PXK: variants seen among roughly 807,000 people sequenced by gnomAD.
The protein encoded by PXK is PX domain containing serine/threonine kinase like.
Under a neutral mutation model 84.7 loss-of-function variants are expected in PXK, and 35 were observed. The observed-to-expected ratio is 0.41, with a 90% CI of 0.32 to 0.55. PXK has a LOEUF of 0.55. Among genes scored for constraint, PXK ranks in the 20% least tolerant of loss-of-function variants. The pLI is 0.21. For missense variants in PXK, 634 were observed against 699.7 expected, an observed-to-expected ratio of 0.91 and a Z score of 1.06; for synonymous variants, 253 against 260.8, an observed-to-expected ratio of 0.97 and a Z score of 0.29.
intron 1 of PXK, among the ~76,000 whole-genome samples, chr3:58,335,224 A>AGTTCTT (rs1417064246): frequency 2.0e-5 from 3 of 152,160 alleles, no homozygotes; most frequent in African/African-American, 7.2e-5. Flanking sequence ...AGAAAATGGC[A>AGTTCTT]GTTCTTGTAG....
At position 58,399,767 on chromosome 3, in the gene PXK, C is replaced by G. The variant is rs913553959; in HGVS notation, c.1181+390C>G. Among the ~76,000 whole-genome samples, 4 of 152,074 alleles carry G rather than the reference C, an allele frequency of 2.6e-5. No individual in the cohort carries two copies. The highest frequency in any genetic ancestry group is 4.8e-5 in the African/African-American group (2 of 41,414). On this transcript the variant is annotated intron_variant, in intron 12 of 17. Coordinates refer to ENST00000356151, the MANE Select transcript of PXK (RefSeq NM_017771.5). The surrounding 1 kb of genome is among the most constrained non-coding windows in gnomAD (Gnocchi z 4.3). ...AGTTGGCCCCCAGCTGTGCATAGTT[C>G]ACAAGTCACAGGGCCTTGAAGGGTC...
At chr3:58,408,832 T>C in intron 13 of PXK, 92 bp from the exon 14 acceptor site, 1 of 1,028,518 alleles carries the variant, frequency 9.7e-7, no homozygotes, top group South Asian at 1.3e-5. Flanking sequence ...GAAATGACTC[T>C]TGATAACCAC....
At chr3:58,369,171 T>G (rs1269078904) in intron 2 of PXK, among the ~76,000 whole-genome samples, 1 of 152,202 alleles carries the variant, frequency 6.6e-6, no homozygotes, top group Non-Finnish European at 1.5e-5. Context: ...AAACAAATAT[T>G]CTCACTTATC....
rs2060988182 is a variant in PXK, at chr3:58,416,532, G to T, written c.1528+3569G>T. Among the ~76,000 whole-genome samples, 1 of 152,166 alleles carries T rather than the reference G, an allele frequency of 6.6e-6. No individual in the cohort carries two copies. The highest frequency in any genetic ancestry group is 2.4e-5 in the African/African-American group (1 of 41,432). On this transcript the variant is annotated intron_variant, in intron 17 of 17. Transcript: ENST00000356151. The surrounding 1 kb of genome is among the most constrained non-coding windows in gnomAD (Gnocchi z 4.8). ...TCTAGGGTATGGGGCGTGTGTAGGA[G>T]ATGCTTGGCAAATCTTTGATTTACA... is the stretch of plus-strand genomic sequence containing the variant.
rs1426016481 is a variant in PXK at position 58,411,788 on chromosome 3, A to G, written c.1466-1113A>G. Reference sequence around the variant, plus strand: ...GAGTCAAGCAGTGAAGCTTCTCCCCATTAAAGTTCATTAGCACTACGAACA... The same window carrying G: ...GAGTCAAGCAGTGAAGCTTCTCCCCGTTAAAGTTCATTAGCACTACGAACA... On this transcript the variant is annotated intron_variant, in intron 16 of 17. Coordinates refer to ENST00000356151, the MANE Select transcript of PXK (RefSeq NM_017771.5). The surrounding 1 kb of genome is among the most constrained non-coding windows in gnomAD (Gnocchi z 4.2). Among the ~76,000 whole-genome samples the G allele has an allele frequency of 3.3e-5, 5 of 152,186 alleles. No individual in the cohort carries two copies. Among genetic ancestry groups the G allele is most frequent in the African/African-American group, 9.7e-5 (4 of 41,434 alleles).
chr3:58,380,971 A>AGGCGC (rs2098494082), intron 3 of PXK, among the ~76,000 whole-genome samples: 1 of 151,570 alleles, frequency 6.6e-6, no homozygotes, highest in African/African-American at 2.4e-5. Flanking sequence ...ACAGAGGGCC[A>AGGCGC]GGCGCGGTGG....
At chr3:58,423,240 C>G in intron 17 of PXK, 1 of 978,584 alleles carries the variant, frequency 1.0e-6, no homozygotes, top group Non-Finnish European at 1.2e-6. Context: ...GGTTTAAAGT[C>G]CTTTTTATCT....
At chr3:58,389,024 A>G (rs1014071671) in intron 4 of PXK, among the ~76,000 whole-genome samples, 7 of 152,160 alleles carry the variant, frequency 4.6e-5, no homozygotes, top group Admixed American at 2.6e-4. Flanking sequence ...ATGGCAAATT[A>G]CAGATGTTGC....
Position 58,424,827 on chromosome 3 carries a change from C to G in PXK, c.1604C>G (p.Ala535Gly), listed in dbSNP as rs34579268. Reference protein sequence around the residue: ...AAPLPPASTEAPAQLSSQAVN... With the variant: ...AAPLPPASTEGPAQLSSQAVN... ...CCCTTGCCTCCTGCGAGCACCGAGG[C>G]ACCTGCCCAGCTCTCGTCTCAGGCT... Residue 535 changes from alanine (A) to glycine (G), a missense_variant, in exon 18 of 18, where the codon GCA (alanine) becomes GGA (glycine). Coordinates refer to ENST00000356151, the MANE Select transcript of PXK (RefSeq NM_017771.5). 6.2e-7 allele frequency: 1 copy of G among 1,613,828 alleles called. No individual in the cohort carries two copies. Among genetic ancestry groups the G allele is most frequent in the Non-Finnish European group, 8.5e-7 (1 of 1,179,922 alleles).
At chr3:58,373,994 G>A (rs1430725229) in intron 3 of PXK, among the ~76,000 whole-genome samples, 5 of 146,814 alleles carry the variant, frequency 3.4e-5, no homozygotes, top group South Asian at 4.3e-4. Flanking sequence ...GCAGTGAGCC[G>A]AGATCGCACA....
At chr3:58,402,755 CTTTTTTT>C (rs34514925) in intron 12 of PXK, among the ~76,000 whole-genome samples, 2 of 130,408 alleles carry the variant, frequency 1.5e-5, no homozygotes. Context: ...TAATAATATA[CTTTTTTT>C]TTTTTTTTTT....
chr3:58,358,036 T>C (rs1299984734), intron 1 of PXK, among the ~76,000 whole-genome samples: 1 of 152,206 alleles, frequency 6.6e-6, no homozygotes, highest in African/African-American at 2.4e-5. Context: ...ATGATATTTG[T>C]GGTCTGTTGT....
chr3:58,343,831 C>G (rs1361694957), intron 1 of PXK, among the ~76,000 whole-genome samples: 2 of 152,190 alleles, frequency 1.3e-5, no homozygotes, highest in African/African-American at 4.8e-5. Context: ...CTCTTATGTA[C>G]TGCTGCTGAC....
At position 58,386,290 on chromosome 3, in the gene PXK, C is replaced by CTTTTTTTTTTTTTTTTT. The variant is rs752411806; in HGVS notation, c.388+3597_388+3613dup. ...CTATCTCACACATATATCCCCCTTA[C>CTTTTTTTTTTTTTTTTT]TTTTTTTTTTTTTTTTTTTTTTTGA... On this transcript the variant is annotated intron_variant, in intron 4 of 17. Transcript: ENST00000356151. Among the ~76,000 whole-genome samples, 424 of 82,258 alleles carry CTTTTTTTTTTTTTTTTT rather than the reference C, an allele frequency of 5.2e-3. 42 individuals carry two copies. The highest frequency in any genetic ancestry group is 7.1e-3 in the Non-Finnish European group (331 of 46,548). 54.0% of individuals were successfully genotyped at this position (82,258 alleles called of 152,430 possible).
rs2062715511 is a variant in PXK, at chr3:58,425,615, TTTAG to T, written c.*660_*663del. 1.3e-5 allele frequency: 2 copies of T among 152,228 alleles called. No individual in the cohort carries two copies. Among genetic ancestry groups the T allele is most frequent in the African/African-American group, 4.8e-5 (2 of 41,460 alleles). The allele number at this position is 152,228 out of a possible 1,614,324, so 9.4% of individuals were successfully genotyped here. On this transcript the variant is annotated 3_prime_UTR_variant, in exon 18 of 18. Coordinates refer to ENST00000356151, the MANE Select transcript of PXK (RefSeq NM_017771.5). ...CAACTACTCTAGACCCATAGTTCTT[TTTAG>T]TTAGATGTATTGAAACAGACAAAAA... is the stretch of plus-strand genomic sequence containing the variant.
rs1316385609 is a variant in PXK, at chr3:58,400,281, T to C, written c.1181+904T>C. On this transcript the variant is annotated intron_variant, in intron 12 of 17. Coordinates refer to ENST00000356151, the MANE Select transcript of PXK (RefSeq NM_017771.5). The surrounding 1 kb of genome is among the most constrained non-coding windows in gnomAD (Gnocchi z 4.0). ...TAGTTATGCTTACTACTGAATCAGC[T>C]GATCTTTTTTGAATATCACACACCA... Among the ~76,000 whole-genome samples, 1 of 152,262 alleles carries C rather than the reference T, an allele frequency of 6.6e-6. No homozygotes were observed. Among genetic ancestry groups the C allele is most frequent in the Non-Finnish European group, 1.5e-5 (1 of 68,042 alleles).
rs1179473552 is a variant in PXK at position 58,398,166 on chromosome 3, C to T, written c.1102+444C>T. On this transcript the variant is annotated intron_variant, in intron 11 of 17. Coordinates refer to ENST00000356151, the MANE Select transcript of PXK (RefSeq NM_017771.5). The surrounding 1 kb of genome is among the most constrained non-coding windows in gnomAD (Gnocchi z 4.5). The stretch of plus-strand genomic sequence containing the variant: ...CTGTAATCCCAGCACTTTGGAAGGC[C>T]GAGGTGGGTGGATCACATGAGGTCA... Among the ~76,000 whole-genome samples, 1 of 152,100 alleles carries T rather than the reference C, an allele frequency of 6.6e-6. No individual in the cohort carries two copies. The highest frequency in any genetic ancestry group is 1.5e-5 in the Non-Finnish European group (1 of 68,020).
Position 58,424,930 on chromosome 3 carries a change from C to T in PXK, c.1707C>T (p.Thr569=). The T allele has an allele frequency of 1.2e-6, 2 of 1,614,184 alleles. No homozygotes were observed. Among genetic ancestry groups the T allele is most frequent in the South Asian group, 2.2e-5 (2 of 91,086 alleles). Residue 569 remains threonine (T), a synonymous_variant, in exon 18 of 18, where the codon ACC becomes ACT. Coordinates refer to ENST00000356151, the MANE Select transcript of PXK (RefSeq NM_017771.5). ...FQKGTLRKAK[T]CDHSAPKIG is the part of the protein sequence containing the mutation. ...AAGGAACTTTGAGGAAAGCCAAAAC[C>T]TGTGATCACAGTGCTCCGAAGATCG...
In PXK at chr3:58,425,981, T is replaced by TGTTA. The variant is rs2062759718; in HGVS notation, c.*1022_*1025dup. 6.6e-6 allele frequency: 1 copy of TGTTA among 152,208 alleles called. No individual in the cohort carries two copies. The highest frequency in any genetic ancestry group is 2.4e-5 in the African/African-American group (1 of 41,460). The allele number at this position is 152,208 out of a possible 1,614,324, so 9.4% of individuals were successfully genotyped here. A position where few individuals can be genotyped will look rare whatever the true frequency, so the allele number is the denominator to read the frequency against. ...TCATTGTGTATAGTTTCATGTAATC[T>TGTTA]GTTATGTCAGCTGTATTTTTTATTA... On this transcript the variant is annotated 3_prime_UTR_variant, in exon 18 of 18. Transcript: ENST00000356151.
Sources: allele counts gnomAD v4.1 joint callset (sites outside exome capture counted in the v4.1 genomes callset), GRCh38; gene constraint gnomAD v4.1.1; non-coding constraint Gnocchi (gnomAD v3.1); transcripts MANE v1.5; gene names NCBI Gene and HGNC (gene_info 2026-07-23, HGNC 2026-07-21).